EPM2A: variants seen among roughly 807,000 people sequenced by gnomAD.
The protein encoded by EPM2A is EPM2A glucan phosphatase, laforin.
In EPM2A, 21 loss-of-function variants were observed where a neutral mutation model predicts 26.5. The ratio of observed to expected loss-of-function variants is 0.79; its 90% CI spans 0.56 to 1.14. EPM2A has a LOEUF of 1.14. EPM2A is among the 50% of genes most tolerant of loss of function. EPM2A has a pLI of 0.00. For missense variants in EPM2A, 458 were observed against 440.8 expected (o/e 1.04, Z -0.35); for synonymous variants, 217 against 177.6 (o/e 1.22, Z -1.76).
intron 4 of EPM2A, chr6:145,489,851 C>A: frequency 7.0e-7 from 1 of 1,434,416 alleles, no homozygotes; most frequent in Non-Finnish European, 9.8e-7. Context: ...TCCACTGGCA[C>A]CTGATTTATC....
chr6:145,664,553 C>T (rs1488843092), intron 2 of EPM2A, among the ~76,000 whole-genome samples: 4 of 147,912 alleles, frequency 2.7e-5, no homozygotes, highest in Admixed American at 2.0e-4. Flanking sequence ...GACTCCCACA[C>T]ATTAATAATG....
At chr6:145,715,346 G>A (rs1562516071) in intron 1 of EPM2A, among the ~76,000 whole-genome samples, 2 of 152,062 alleles carry the variant, frequency 1.3e-5, no homozygotes, top group Non-Finnish European at 2.9e-5. Context: ...ACCGCACAGG[G>A]ACAGCTTTGA....
chr6:145,477,760 G>A (rs1227621421), intron 4 of EPM2A, among the ~76,000 whole-genome samples: 1 of 151,702 alleles, frequency 6.6e-6, no homozygotes, highest in East Asian at 1.9e-4. Context: ...TCAACAAACT[G>A]GGTATAGAAG....
intron 2 of EPM2A, among the ~76,000 whole-genome samples, chr6:145,527,938 C>T (rs777863999): frequency 1.7e-4 from 26 of 151,494 alleles, no homozygotes; most frequent in Non-Finnish European, 3.1e-4. Context: ...CCAGGGAACA[C>T]GCAAATAACA....
intron 2 of EPM2A, among the ~76,000 whole-genome samples, chr6:145,507,185 A>T: frequency 6.6e-6 from 1 of 152,194 alleles, no homozygotes; most frequent in Non-Finnish European, 1.5e-5. Context: ...ATCTCAATTC[A>T]ATTTTTTTAA....
At chr6:145,720,704 T>C (rs1775907357) in intron 1 of EPM2A, among the ~76,000 whole-genome samples, 1 of 152,214 alleles carries the variant, frequency 6.6e-6, no homozygotes, top group South Asian at 2.1e-4. Context: ...GCAAAAGGCA[T>C]GAATGTAAAT....
chr6:145,500,670 A>G (rs1343561286), downstream of EPM2A, among the ~76,000 whole-genome samples: 1 of 152,186 alleles, frequency 6.6e-6, no homozygotes, highest in African/African-American at 2.4e-5. Flanking sequence ...TATATTAAAT[A>G]TATTTATGAA....
chr6:145,617,934 T>G (rs913547001), intron 2 of EPM2A, among the ~76,000 whole-genome samples: 2 of 152,054 alleles, frequency 1.3e-5, no homozygotes, highest in Admixed American at 1.3e-4. Flanking sequence ...CAAAGCAAGA[T>G]CCTGTCTCAA....
chr6:145,523,057 T>C (rs1245580960), intron 2 of EPM2A, among the ~76,000 whole-genome samples: 1 of 152,222 alleles, frequency 6.6e-6, no homozygotes, highest in East Asian at 1.9e-4. Flanking sequence ...TTCTTATCTA[T>C]ATTCAGACAT....
At chr6:145,519,487 C>T (rs1368243538) in intron 2 of EPM2A, among the ~76,000 whole-genome samples, 1 of 152,142 alleles carries the variant, frequency 6.6e-6, no homozygotes, top group Non-Finnish European at 1.5e-5. Context: ...TCACTCTTCT[C>T]CCTACCAATT....
chr6:145,417,329 G>A (rs9376933), intron 4 of EPM2A, among the ~76,000 whole-genome samples: 36,317 of 152,086 alleles, frequency 0.24, 5,255 homozygotes, highest in Non-Finnish European at 0.32. Flanking sequence ...ATTTTGTGCC[G>A]CAGAATACAG....
At chr6:145,677,632 C>G (rs1456606801) in intron 2 of EPM2A, among the ~76,000 whole-genome samples, 2 of 152,116 alleles carry the variant, frequency 1.3e-5, no homozygotes, top group Admixed American at 1.3e-4. Flanking sequence ...TTCCTATACA[C>G]GAATAATAGA....
chr6:145,489,774 T>TTC, intron 4 of EPM2A: 6 of 1,441,290 alleles, frequency 4.2e-6, no homozygotes, highest in Non-Finnish European at 5.9e-6. Flanking sequence ...AGGTTCTCTC[T>TTC]TCTCTCGGTT....
intron 4 of EPM2A, among the ~76,000 whole-genome samples, chr6:145,392,951 T>C (rs1010799763): frequency 2.0e-5 from 3 of 151,782 alleles, no homozygotes; most frequent in African/African-American, 7.3e-5. Flanking sequence ...CAATGATATA[T>C]CCAAAAAAGG....
At chr6:145,441,930 G>T (rs1582758268) in intron 4 of EPM2A, among the ~76,000 whole-genome samples, 1 of 152,000 alleles carries the variant, frequency 6.6e-6, no homozygotes, top group Non-Finnish European at 1.5e-5. Context: ...GTCACCCCTC[G>T]AATGCTTTGC....
chr6:145,449,236 G>A (rs925594366), intron 4 of EPM2A, among the ~76,000 whole-genome samples: 1 of 152,150 alleles, frequency 6.6e-6, no homozygotes, highest in Admixed American at 6.6e-5. Context: ...GAAATGCCAA[G>A]TGCAAGGTTT....
chr6:145,502,393 T>C (rs1357256136), intron 3 of EPM2A: 3 of 369,340 alleles, frequency 8.1e-6, no homozygotes, highest in Non-Finnish European at 1.6e-5. Flanking sequence ...TGCAAAGTCA[T>C]CTCGAAGTGA....
intron 4 of EPM2A, among the ~76,000 whole-genome samples, chr6:145,488,036 G>T (rs570600560): frequency 1.6e-4 from 24 of 151,972 alleles, no homozygotes; most frequent in African/African-American, 5.3e-4. Context: ...TTCTGCTTAT[G>T]GCTAGCCAGT....
intron 2 of EPM2A, among the ~76,000 whole-genome samples, chr6:145,513,496 C>T (rs1429256098): frequency 1.3e-5 from 2 of 152,182 alleles, no homozygotes; most frequent in Non-Finnish European, 2.9e-5. Context: ...ATGGCGATAT[C>T]TCAAAGAACT....
Sources: allele counts gnomAD v4.1 joint callset (sites outside exome capture counted in the v4.1 genomes callset), GRCh38; gene constraint gnomAD v4.1.1; transcripts MANE v1.5; gene names NCBI Gene and HGNC (gene_info 2026-07-23, HGNC 2026-07-21).